RIN2: variants seen among roughly 807,000 people sequenced by gnomAD.
The protein encoded by RIN2 is RAB5 interacting protein 2.
In RIN2, 36 loss-of-function variants were observed where a neutral mutation model predicts 78.0. The observed-to-expected ratio is 0.46, with a 90% CI of 0.35 to 0.61. RIN2 has a LOEUF of 0.61. Among genes scored for constraint, RIN2 ranks in the 20% least tolerant of loss-of-function variants. RIN2 has a pLI of 0.00. For synonymous variants in RIN2, 466 were observed against 466.8 expected (o/e 1.00, Z 0.02); for missense variants, 1,087 against 1,159.7 (o/e 0.94, Z 0.91).
chr20:19,988,917 ACACG>A (rs1182490631), intron 9 of RIN2, among the ~76,000 whole-genome samples: 2 of 151,826 alleles, frequency 1.3e-5, no homozygotes, highest in African/African-American at 4.9e-5. Flanking sequence ...ACACACACAC[ACACG>A]CGTGCACACA....
intron 3 of RIN2, among the ~76,000 whole-genome samples, chr20:19,916,427 T>C (rs2039687223): frequency 6.6e-6 from 1 of 152,188 alleles, no homozygotes; most frequent in Admixed American, 6.5e-5. Context: ...GAGTCCATCC[T>C]GGACAAACTA....
At chr20:19,843,555 G>T (rs2036645279) in intron 2 of RIN2, among the ~76,000 whole-genome samples, 1 of 152,180 alleles carries the variant, frequency 6.6e-6, no homozygotes, top group Admixed American at 6.5e-5. Context: ...TACACAAATT[G>T]TTATTAGGTA....
chr20:19,897,391 G>C (rs112024391), intron 3 of RIN2, among the ~76,000 whole-genome samples: 27 of 152,224 alleles, frequency 1.8e-4, no homozygotes, highest in African/African-American at 6.0e-4. Context: ...TTACAGGTGA[G>C]TGTCACCGCA....
Position 20,000,643 on chromosome 20 carries a change from A to T in RIN2, c.2395A>T (p.Asn799Tyr). 1.9e-6 allele frequency: 3 copies of T among 1,605,834 alleles called. No individual in the cohort carries two copies. The highest frequency in any genetic ancestry group is 1.7e-6 in the Non-Finnish European group (2 of 1,173,340). ...NYLRVAFQEV[N>Y]SGCTGKTLLV... ...CCTCCGAGTTGCATTTCAGGAGGTC[A>T]ACAGTGGTTGCACAGGAAAGACCCT... Residue 799 changes from asparagine (N) to tyrosine (Y), a missense_variant, in exon 13 of 13, where the codon AAC becomes TAC. Physicochemically the swap from Asn to Tyr is moderately radical, Grantham distance 143. Transcript: ENST00000255006.
chr20:19,925,500 C>A lies in RIN2; in HGVS notation c.58-9599C>A, dbSNP rs902123821. Among the ~76,000 whole-genome samples, 8 of 152,160 alleles carry A rather than the reference C, an allele frequency of 5.3e-5. No individual in the cohort carries two copies. In the East Asian group the frequency reaches 1.3e-3, roughly 26 times the overall value. The stretch of plus-strand genomic sequence containing the variant: ...TAAGAAAATTTAAAAGGCAGAAAAA[C>A]AATGAAAGAGATCATATGTGAAACA... On this transcript the variant is annotated intron_variant, in intron 3 of 12. Coordinates refer to ENST00000255006, the MANE Select transcript of RIN2 (RefSeq NM_018993.4).
intron 9 of RIN2, among the ~76,000 whole-genome samples, chr20:19,987,195 T>C (rs976735707): frequency 6.6e-6 from 1 of 152,272 alleles, no homozygotes; most frequent in African/African-American, 2.4e-5. Flanking sequence ...ATATATCCAA[T>C]GTATTCATTT....
chr20:19,849,422 C>T (rs2123165872), intron 2 of RIN2, among the ~76,000 whole-genome samples: 1 of 152,330 alleles, frequency 6.6e-6, no homozygotes, highest in South Asian at 2.1e-4. Flanking sequence ...ATGGAAGTGC[C>T]AGACCCAGCA....
chr20:19,811,778 T>A (rs1285152183), intron 2 of RIN2, among the ~76,000 whole-genome samples: 1 of 76,634 alleles, frequency 1.3e-5, no homozygotes, highest in East Asian at 2.9e-4. Flanking sequence ...AATATGAAAC[T>A]CTCTTTGAGT....
At chr20:19,976,566 G>A (rs2042285451) in intron 9 of RIN2, among the ~76,000 whole-genome samples, 1 of 152,192 alleles carries the variant, frequency 6.6e-6, no homozygotes, top group Admixed American at 6.5e-5. Flanking sequence ...TGGTTACTTT[G>A]GCCAAGGCAA....
chr20:19,827,214 G>A (rs552619254), intron 2 of RIN2, among the ~76,000 whole-genome samples: 40 of 152,138 alleles, frequency 2.6e-4, no homozygotes, highest in Non-Finnish European at 4.7e-4. Flanking sequence ...GACCTCAGGT[G>A]ATCTGCCTGC....
chr20:20,000,854 T>C lies in RIN2; in HGVS notation c.2606T>C (p.Phe869Ser). The change falls in exon 13 of 13, where the codon TTC becomes TCC. Residue 869 changes from phenylalanine (F) to serine (S), a missense_variant. Transcript: ENST00000255006. ...ELHSRPQPHI[F>S]HFVYKRIKND... The stretch of plus-strand genomic sequence containing the variant: ...CACAGCCGACCACAGCCCCACATCT[T>C]CCACTTTGTCTACAAACGCATCAAG... 6.2e-7 allele frequency: 1 copy of C among 1,613,984 alleles called. No homozygotes were observed. The highest frequency in any genetic ancestry group is 8.5e-7 in the Non-Finnish European group (1 of 1,179,878).
At chr20:19,823,656 T>C (rs2035994753) in intron 2 of RIN2, 1 of 1,571,606 alleles carries the variant, frequency 6.4e-7, no homozygotes, top group Admixed American at 1.7e-5. Flanking sequence ...GTTTAATGTT[T>C]TTCTGTTTCT....
chr20:19,910,967 C>T (rs2039439795), intron 3 of RIN2, among the ~76,000 whole-genome samples: 1 of 152,206 alleles, frequency 6.6e-6, no homozygotes, highest in African/African-American at 2.4e-5. Context: ...TCCATATGCA[C>T]CAGTGGTTAA....
At chr20:19,887,314 C>A (rs2038243247) in intron 2 of RIN2, among the ~76,000 whole-genome samples, 2 of 152,012 alleles carry the variant, frequency 1.3e-5, no homozygotes, top group African/African-American at 2.4e-5. Context: ...CTGCACAGAC[C>A]AAGAACTTTG....
intron 5 of RIN2, among the ~76,000 whole-genome samples, chr20:19,959,839 G>A (rs548231177): frequency 2.6e-5 from 4 of 152,194 alleles, no homozygotes; most frequent in Non-Finnish European, 5.9e-5. Context: ...TGTAGGCTAG[G>A]TGAATGGTGC....
intron 4 of RIN2, among the ~76,000 whole-genome samples, chr20:19,939,337 C>T (rs769139621): frequency 3.3e-5 from 5 of 152,156 alleles, no homozygotes; most frequent in Non-Finnish European, 5.9e-5. Flanking sequence ...CATGAGCCAC[C>T]GTGCTTGGCC....
intron 9 of RIN2, among the ~76,000 whole-genome samples, chr20:19,977,703 C>T (rs2042323323): frequency 6.6e-6 from 1 of 152,132 alleles, no homozygotes; most frequent in Non-Finnish European, 1.5e-5. Flanking sequence ...TCTGCTGCTG[C>T]TGCTTGTGTT....
intron 2 of RIN2, among the ~76,000 whole-genome samples, chr20:19,858,708 C>G (rs530378278): frequency 1.1e-4 from 17 of 152,260 alleles, no homozygotes; most frequent in Admixed American, 7.8e-4. Context: ...TTACTTATTC[C>G]TAATCCTCTG....
intron 2 of RIN2, among the ~76,000 whole-genome samples, chr20:19,866,814 G>A (rs982704580): frequency 2.0e-5 from 3 of 151,868 alleles, no homozygotes; most frequent in African/African-American, 4.8e-5. Context: ...TAGTAGAGAT[G>A]GGGTTTCACT....
Sources: gnomAD v4.1 joint callset for allele counts (sites outside exome capture counted in the v4.1 genomes callset) on GRCh38, gnomAD v4.1.1 for gene constraint, MANE v1.5 for transcripts, NCBI Gene and HGNC (gene_info 2026-07-23, HGNC 2026-07-21) for gene names.